ABHD12B: variants seen among roughly 807,000 people sequenced by gnomAD.
ABHD12B encodes abhydrolase domain containing 12B.
A neutral mutation model predicts 50.4 loss-of-function variants in ABHD12B; 42 were observed. The observed-to-expected ratio is 0.83, with a 90% confidence interval of 0.65 to 1.08. ABHD12B has a LOEUF of 1.08. Ranked by LOEUF, ABHD12B falls within the 50% of genes least tolerant of loss-of-function variation. The pLI is 0.00. For synonymous variants in ABHD12B, 167 were observed against 160.3 expected, an observed-to-expected ratio of 1.04 and a Z score of -0.32; for missense variants, 479 against 447.7, an observed-to-expected ratio of 1.07 and a Z score of -0.63.
At chr14:50,885,505 A>G (rs1334440282) in intron 5 of ABHD12B, 109 bp from the exon 6 acceptor site, 2 of 1,258,632 alleles carry the variant, frequency 1.6e-6, no homozygotes, top group Non-Finnish European at 2.3e-6. Flanking sequence ...AGTTAAAATT[A>G]CCTTTGAAAG....
intron 8 of ABHD12B, among the ~76,000 whole-genome samples, chr14:50,887,994 T>G (rs1443158080): frequency 1.3e-5 from 2 of 152,188 alleles, no homozygotes; most frequent in Non-Finnish European, 2.9e-5. Context: ...TCTGGACTTC[T>G]CTCTTTTGGT....
At chr14:50,897,635 T>G (rs947927865) in intron 9 of ABHD12B, among the ~76,000 whole-genome samples, 2 of 152,208 alleles carry the variant, frequency 1.3e-5, no homozygotes, top group Admixed American at 1.3e-4. Flanking sequence ...AAAGGCAGCA[T>G]GATGTTGTGG....
intron 5 of ABHD12B, among the ~76,000 whole-genome samples, chr14:50,882,419 C>T (rs2049967818): frequency 8.8e-6 from 1 of 114,266 alleles, no homozygotes; most frequent in South Asian, 3.0e-4. Flanking sequence ...CTCTGTTGCC[C>T]AGGCTGGAGT....
rs2050306133 is a variant in ABHD12B, at chr14:50,904,500, A to G, written c.*134A>G. ...TTGACTTCTCTACAAATCACTTGCC[A>G]TTTTAACAACAGAAAGTACGAATGT... On this transcript the variant is annotated 3_prime_UTR_variant, in exon 13 of 13. Coordinates refer to ENST00000337334, the MANE Select transcript of ABHD12B (RefSeq NM_001206673.2). The G allele has an allele frequency of 3.6e-6, 4 of 1,108,982 alleles. No individual in the cohort carries two copies. Among genetic ancestry groups the G allele is most frequent in the Non-Finnish European group, 5.4e-6 (4 of 740,628 alleles). The allele number at this position is 1,108,982 out of a possible 1,614,324, so 68.7% of individuals were successfully genotyped here.
intron 9 of ABHD12B, among the ~76,000 whole-genome samples, chr14:50,895,258 C>G (rs565206000): frequency 6.7e-6 from 1 of 149,992 alleles, no homozygotes. Context: ...GATTCCGGCC[C>G]TCAAACCCCA....
In ABHD12B at chr14:50,904,433, T is replaced by G; in HGVS notation, c.*67T>G. On this transcript the variant is annotated 3_prime_UTR_variant, in exon 13 of 13. Coordinates refer to ENST00000337334, the MANE Select transcript of ABHD12B (RefSeq NM_001206673.2). ...ACACCACCTGTGATGTATATTGTTC[T>G]AATGTAAAATTGTACTGGGCTGGTC... The G allele has an allele frequency of 6.2e-7, 1 of 1,600,166 alleles. No individual in the cohort carries two copies. Among genetic ancestry groups the G allele is most frequent in the Non-Finnish European group, 8.5e-7 (1 of 1,170,214 alleles).
In ABHD12B at chr14:50,882,373, C is replaced by CTTTTTTTTTTT. The variant is rs386381352; in HGVS notation, c.486+758_486+768dup. Among the ~76,000 whole-genome samples, 20 of 81,834 alleles carry CTTTTTTTTTTT rather than the reference C, an allele frequency of 2.4e-4. 3 individuals carry two copies. The East Asian group carries it at 2.8e-3, about 11-fold the overall frequency. The allele number at this position is 81,834 out of a possible 152,430, so 53.7% of individuals were successfully genotyped here. On this transcript the variant is annotated intron_variant, in intron 5 of 12. Transcript: ENST00000337334. Reference sequence around the variant, plus strand: ...ATAGGCTAAAGACACAGAATGTCTGCTTTTTTTTTTTTTTTTTTTTTGAGA... The same window carrying CTTTTTTTTTTT: ...ATAGGCTAAAGACACAGAATGTCTGCTTTTTTTTTTTTTTTTTTTTTTTTTTTTTTTTGAGA...
In ABHD12B at chr14:50,888,881, G is replaced by A. The variant is rs978191145; in HGVS notation, c.758G>A (p.Ser253Asn). The A allele has an allele frequency of 1.2e-6, 2 of 1,614,068 alleles. No individual in the cohort carries two copies. Among genetic ancestry groups the A allele is most frequent in the African/African-American group, 1.3e-5 (1 of 75,050 alleles). Residue 253 changes from serine to asparagine, a missense_variant, in exon 9 of 13, where the codon AGT (serine) becomes AAT (asparagine). Ser to Asn is a conservative substitution (Grantham distance 46, BLOSUM62 1). Coordinates refer to ENST00000337334, the MANE Select transcript of ABHD12B (RefSeq NM_001206673.2). Reference sequence around the variant, plus strand: ...CCATTTACCAACATGTGGGTTGCAAGTATCAATTATCCCTTGTTAAAGGTG... The same window carrying A: ...CCATTTACCAACATGTGGGTTGCAAATATCAATTATCCCTTGTTAAAGGTG... ...EAPFTNMWVA[S>N]INYPLLKIYR...
At chr14:50,882,973 C>CCAAAAA (rs2049979282) in intron 5 of ABHD12B, among the ~76,000 whole-genome samples, 1 of 112,908 alleles carries the variant, frequency 8.9e-6, no homozygotes, top group Non-Finnish European at 1.8e-5. Flanking sequence ...GACCCTGACT[C>CCAAAAA]AAAAAAAAAA....
At position 50,885,639 on chromosome 14, in the gene ABHD12B, T is replaced by A. The variant is rs770647941; in HGVS notation, c.512T>A (p.Val171Asp). 2.2e-5 allele frequency: 36 copies of A among 1,614,062 alleles called. No homozygotes were observed. Among genetic ancestry groups the A allele is most frequent in the Middle Eastern group, 1.6e-4 (1 of 6,084 alleles). ...VKVLSDGGFH[V>D]LSVDYRGFGD... ...GTGCTGAGTGATGGTGGCTTTCATGTCTTGTCTGTTGACTACAGAGGTATG... is the reference window on the plus strand; with the variant it reads ...GTGCTGAGTGATGGTGGCTTTCATGACTTGTCTGTTGACTACAGAGGTATG... The change falls in exon 6 of 13, where the codon GTC (valine) becomes GAC (aspartate). Residue 171 changes from valine (V) to aspartate (D), a missense_variant. Val to Asp is a radical substitution (Grantham distance 152). Coordinates refer to ENST00000337334, the MANE Select transcript of ABHD12B (RefSeq NM_001206673.2).
rs1014816172 is a variant in ABHD12B, at chr14:50,894,923, G to A, written c.780+6020G>A. Among the ~76,000 whole-genome samples, 60 of 146,854 alleles carry A rather than the reference G, an allele frequency of 4.1e-4. 2 individuals carry two copies. The highest frequency in any genetic ancestry group is 5.8e-4 in the East Asian group (3 of 5,154). On this transcript the variant is annotated intron_variant, in intron 9 of 12. Transcript: ENST00000337334. ...TCCTCCACCCTATAATCTTTTTATC[G>A]CCTCCCCTCCTCACACCTGGTCCTG...
At chr14:50,880,775 C>T (rs2049931755) in intron 4 of ABHD12B, among the ~76,000 whole-genome samples, 1 of 152,158 alleles carries the variant, frequency 6.6e-6, no homozygotes, top group African/African-American at 2.4e-5. Context: ...GGATCCCTAA[C>T]TGAGGAGAAA....
At chr14:50,883,043 G>T (rs2049981436) in intron 5 of ABHD12B, among the ~76,000 whole-genome samples, 1 of 151,366 alleles carries the variant, frequency 6.6e-6, no homozygotes, top group African/African-American at 2.4e-5. Context: ...TAGCATGGTG[G>T]CCACACTTGC....
intron 1 of ABHD12B, 53 bp from the exon 2 acceptor site, chr14:50,877,899 C>A: frequency 2.1e-6 from 3 of 1,443,408 alleles, no homozygotes; most frequent in South Asian, 1.4e-5. Flanking sequence ...AAAAACAAAC[C>A]AAGACAAATG....
chr14:50,878,971 G>A (rs939315660), intron 3 of ABHD12B, 124 bp downstream of exon 3: 6 of 740,194 alleles, frequency 8.1e-6, no homozygotes, highest in Non-Finnish European at 1.4e-5. Context: ...CCTGGAGGCT[G>A]TTTCCTACAC....
In ABHD12B at chr14:50,904,397, A is replaced by G. The variant is rs747201826; in HGVS notation, c.*31A>G. On this transcript the variant is annotated 3_prime_UTR_variant, in exon 13 of 13. Transcript: ENST00000337334. ...GGAGGAGTGGAAATCTTCAATGAAG[A>G]CTTGGCCCAAACACCACCTGTGATG... The G allele has an allele frequency of 3.7e-6, 6 of 1,613,646 alleles. No homozygotes were observed. In the South Asian group the frequency reaches 6.6e-5, roughly 18 times the overall value.
In ABHD12B at chr14:50,872,231, C is replaced by T; in HGVS notation, c.57C>T (p.Ala19=). 1 of 1,395,170 alleles carries T rather than the reference C, an allele frequency of 7.2e-7. No homozygotes were observed. Among genetic ancestry groups the T allele is most frequent in the Non-Finnish European group, 9.3e-7 (1 of 1,071,238 alleles). The allele number at this position is 1,395,170 out of a possible 1,614,324, so 86.4% of individuals were successfully genotyped here. Reference sequence around the variant, plus strand: ...CGCCCGAGCCGCCCGGGCCCCCAGCCCGTAGCTGCGTGGCCGCCTGGTGGG... The same window carrying T: ...CGCCCGAGCCGCCCGGGCCCCCAGCTCGTAGCTGCGTGGCCGCCTGGTGGG... The part of the protein sequence containing the change: ...AASPEPPGPP[A]RSCVAAWWDM... Residue 19 remains alanine, a synonymous_variant, in exon 1 of 13, where the codon GCC becomes GCT. Coordinates refer to ENST00000337334, the MANE Select transcript of ABHD12B (RefSeq NM_001206673.2).
chr14:50,895,885 C>A (rs1248440445), intron 9 of ABHD12B, among the ~76,000 whole-genome samples: 1 of 152,180 alleles, frequency 6.6e-6, no homozygotes, highest in Non-Finnish European at 1.5e-5. Context: ...AGACAATACT[C>A]TTTTAAGCAC....
chr14:50,895,058 T>C (rs12587687), intron 9 of ABHD12B, among the ~76,000 whole-genome samples: 28,681 of 148,884 alleles, frequency 0.19, 3,496 homozygotes, highest in East Asian at 0.44. Flanking sequence ...TTTTTCTTTA[T>C]CCCAAATCAG....
Sources: gnomAD v4.1 joint callset for allele counts (sites outside exome capture counted in the v4.1 genomes callset) on GRCh38, gnomAD v4.1.1 for gene constraint, MANE v1.5 for transcripts, NCBI Gene and HGNC (gene_info 2026-07-23, HGNC 2026-07-21) for gene names.